Variants in MAF observed in about 807,000 individuals in gnomAD.
MAF encodes the protein transcription factor Maf.
MAF carries 10 observed loss-of-function variants against 22.0 expected under a neutral mutation model. That is an observed-to-expected ratio of 0.45 (90% confidence interval 0.28 to 0.77). MAF has a LOEUF of 0.77. Ranked by LOEUF, MAF falls within the 30% of genes least tolerant of loss-of-function variation. MAF has a pLI of 0.12. For synonymous variants in MAF, 337 were observed against 255.8 expected, an observed-to-expected ratio of 1.32 and a Z score of -3.03; for missense variants, 544 against 548.4, an observed-to-expected ratio of 0.99 and a Z score of 0.08.
the MAF span, among the ~76,000 whole-genome samples, chr16:79,239,645 G>A: frequency 5.9e-5 from 9 of 152,018 alleles, no homozygotes; most frequent in Admixed American, 1.3e-4. Context: ...TTCCTAGCAT[G>A]TCTCACAGCT....
chr16:79,263,202 G>A, the MAF span, among the ~76,000 whole-genome samples: 1 of 152,136 alleles, frequency 6.6e-6, no homozygotes, highest in Non-Finnish European at 1.5e-5. Context: ...GCCGGGAAAT[G>A]GATAACTAAA....
At chr16:79,297,784 C>A in the MAF span, among the ~76,000 whole-genome samples, 2 of 152,156 alleles carry the variant, frequency 1.3e-5, no homozygotes, top group African/African-American at 4.8e-5. Flanking sequence ...CTTCTCTATG[C>A]GAGGGACTGG....
chr16:79,302,237 C>G, the MAF span, among the ~76,000 whole-genome samples: 1 of 152,152 alleles, frequency 6.6e-6, no homozygotes, highest in Non-Finnish European at 1.5e-5. Context: ...GAATCTGAGC[C>G]CAGTGAGTTG....
the MAF span, among the ~76,000 whole-genome samples, chr16:79,537,811 A>C: frequency 6.6e-6 from 1 of 152,048 alleles, no homozygotes; most frequent in South Asian, 2.1e-4. Flanking sequence ...AGAATGTGAA[A>C]CCTCTGAACC....
At chr16:79,452,171 T>C in the MAF span, among the ~76,000 whole-genome samples, 2 of 152,232 alleles carry the variant, frequency 1.3e-5, no homozygotes, top group Non-Finnish European at 2.9e-5. Context: ...TTTACTCTTT[T>C]GTCCTTTACA....
At chr16:79,444,419 C>G in the MAF span, among the ~76,000 whole-genome samples, 2,229 of 152,138 alleles carry the variant, frequency 0.015, 110 homozygotes, top group East Asian at 0.19. Flanking sequence ...AGGTACATTC[C>G]AAAGCATGGC....
At chr16:79,243,753 G>A in the MAF span, among the ~76,000 whole-genome samples, 1 of 151,938 alleles carries the variant, frequency 6.6e-6, no homozygotes, top group Admixed American at 6.6e-5. Context: ...ACCTGGCAGA[G>A]ACACAACAAA....
At chr16:79,376,408 A>G in the MAF span, among the ~76,000 whole-genome samples, 1 of 152,134 alleles carries the variant, frequency 6.6e-6, no homozygotes, top group African/African-American at 2.4e-5. Flanking sequence ...AAAAGTTATT[A>G]CACTATGACC....
At chr16:79,495,223 A>T in the MAF span, among the ~76,000 whole-genome samples, 1 of 152,180 alleles carries the variant, frequency 6.6e-6, no homozygotes, top group African/African-American at 2.4e-5. Flanking sequence ...GCACTTTGGG[A>T]GGCCAAGGTG....
chr16:79,276,390 C>G, the MAF span, among the ~76,000 whole-genome samples: 1 of 152,154 alleles, frequency 6.6e-6, no homozygotes, highest in African/African-American at 2.4e-5. Flanking sequence ...TTAATGTTTA[C>G]CCAGCGTTCT....
chr16:79,460,812 G>A, the MAF span, among the ~76,000 whole-genome samples: 18 of 152,072 alleles, frequency 1.2e-4, no homozygotes, highest in African/African-American at 2.9e-4. Flanking sequence ...TTATCCAAAG[G>A]CATTTTAAAG....
the MAF span, among the ~76,000 whole-genome samples, chr16:79,277,183 G>A: frequency 1.1e-4 from 17 of 152,218 alleles, no homozygotes; most frequent in Admixed American, 5.9e-4. Flanking sequence ...TTAGGCAGAC[G>A]CCAGTAATTG....
rs1913378549 is a variant in MAF, at chr16:79,594,411, T to C, written c.*49A>G. ...GTAGGTGGTTCTCCATGACTGCAAA[T>C]AATAATAATAATGATGATTTTTTTT... is the stretch of plus-strand genomic sequence containing the variant. On this transcript the variant is annotated 3_prime_UTR_variant, in exon 2 of 2. Transcript: ENST00000326043. The C allele has an allele frequency of 1.4e-6, 2 of 1,468,218 alleles. No homozygotes were observed. Among genetic ancestry groups the C allele is most frequent in the African/African-American group, 1.4e-5 (1 of 71,220 alleles). 90.9% of individuals were successfully genotyped at this position (1,468,218 alleles called of 1,614,324 possible). A position where few individuals can be genotyped will look rare whatever the true frequency, so the allele number is the denominator to read the frequency against.
the MAF span, among the ~76,000 whole-genome samples, chr16:79,374,947 A>G: frequency 1.3e-5 from 2 of 152,198 alleles, no homozygotes; most frequent in African/African-American, 4.8e-5. Context: ...TCATGTGTGC[A>G]TATGTGTTGT....
chr16:79,262,820 G>C, the MAF span, among the ~76,000 whole-genome samples: 1 of 152,186 alleles, frequency 6.6e-6, no homozygotes, highest in Non-Finnish European at 1.5e-5. Context: ...ATATTAGAGA[G>C]TTATCTAGAA....
In MAF at chr16:79,594,712, G is replaced by GAA. The variant is rs36052284; in HGVS notation, c.1119-161_1119-160dup. The GAA allele has an allele frequency of 9.6e-3, 12,283 of 1,285,598 alleles. 16 individuals are homozygous for GAA. Among genetic ancestry groups the GAA allele is most frequent in the African/African-American group, 0.016 (1,052 of 64,974 alleles). The allele number at this position is 1,285,598 out of a possible 1,614,324, so 79.6% of individuals were successfully genotyped here. A position where few individuals can be genotyped will look rare whatever the true frequency, so the allele number is the denominator to read the frequency against. On this transcript the variant is annotated intron_variant, in intron 1 of 1. Transcript: ENST00000326043. ...CTCAGGATTTAGGAGTTCTTTGTAA[G>GAA]AAAAAAAAAACATGTATTTGTTTGC...
chr16:79,537,188 T>C, the MAF span, among the ~76,000 whole-genome samples: 7 of 152,220 alleles, frequency 4.6e-5, no homozygotes, highest in African/African-American at 1.4e-4. Flanking sequence ...TCTCAGTTCA[T>C]ATCTGCTTTG....
the MAF span, among the ~76,000 whole-genome samples, chr16:79,550,356 C>A: frequency 1.3e-5 from 2 of 151,754 alleles, no homozygotes; most frequent in African/African-American, 4.8e-5. Context: ...GAGAGACAGA[C>A]AGACAGACAC....
the MAF span, among the ~76,000 whole-genome samples, chr16:79,290,285 T>A: frequency 1.3e-5 from 2 of 152,208 alleles, no homozygotes; most frequent in East Asian, 1.9e-4. Flanking sequence ...CGAGCTTTTA[T>A]CTGATGAGAG....
Sources: gnomAD v4.1 joint callset for allele counts (sites outside exome capture counted in the v4.1 genomes callset) on GRCh38, gnomAD v4.1.1 for gene constraint, MANE v1.5 for transcripts, NCBI Gene and HGNC (gene_info 2026-07-23, HGNC 2026-07-21) for gene names.